FAM184B: variants seen among roughly 807,000 people sequenced by gnomAD.
The protein encoded by FAM184B is family with sequence similarity 184 member B, also known as protein FAM184B.
FAM184B carries 111 observed loss-of-function variants against 135.9 expected under a neutral mutation model. The observed-to-expected ratio is 0.82, with a 90% CI of 0.70 to 0.96. The LOEUF is 0.96. FAM184B is among the 40% of genes least tolerant of loss of function. The probability of loss-of-function intolerance (pLI) is 0.00; values close to 1 mark genes in which losing one functional copy is unlikely to be tolerated. For synonymous variants in FAM184B, 552 were observed against 524.8 expected (o/e 1.05, Z -0.71); for missense variants, 1,375 against 1,323.9 (o/e 1.04, Z -0.60).
intron 1 of FAM184B, among the ~76,000 whole-genome samples, chr4:17,761,863 C>G (rs987073733): frequency 6.6e-6 from 1 of 152,120 alleles, no homozygotes; most frequent in Non-Finnish European, 1.5e-5. Context: ...CACCTTACCT[C>G]TCTGTACTAT....
chr4:17,633,956 G>T (rs1474169253), intron 16 of FAM184B, 68 bp from the exon 17 acceptor site: 2 of 1,210,044 alleles, frequency 1.7e-6, no homozygotes, highest in Non-Finnish European at 2.2e-6. Flanking sequence ...TATTGTAAAA[G>T]CAAATAATGC....
At chr4:17,727,310 C>T (rs889629032) in intron 1 of FAM184B, among the ~76,000 whole-genome samples, 3 of 152,122 alleles carry the variant, frequency 2.0e-5, no homozygotes, top group Non-Finnish European at 2.9e-5. Context: ...AGAGGAGGCA[C>T]CAGGACAGCT....
chr4:17,688,307 T>G, intron 7 of FAM184B, 117 bp downstream of exon 7: 4 of 686,076 alleles, frequency 5.8e-6, no homozygotes. Context: ...ATTTTGGCAG[T>G]GTCGAGGAGA....
chr4:17,770,868 A>G (rs1577297560), intron 1 of FAM184B, among the ~76,000 whole-genome samples: 1 of 152,216 alleles, frequency 6.6e-6, no homozygotes, highest in South Asian at 2.1e-4. Flanking sequence ...ATCCACCCAA[A>G]AAGTGTACAA....
intron 1 of FAM184B, among the ~76,000 whole-genome samples, chr4:17,753,362 T>G (rs1718343714): frequency 6.6e-6 from 1 of 152,222 alleles, no homozygotes; most frequent in Admixed American, 6.5e-5. Context: ...AGACCAAATT[T>G]TATTAAAACA....
chr4:17,712,241 C>A (rs1434245075), intron 1 of FAM184B, among the ~76,000 whole-genome samples: 4 of 152,078 alleles, frequency 2.6e-5, no homozygotes, highest in Admixed American at 2.0e-4. Flanking sequence ...GATGACAAGG[C>A]CAAGTGGCAA....
chr4:17,697,054 G>T (rs963764594), intron 5 of FAM184B, among the ~76,000 whole-genome samples: 11 of 152,118 alleles, frequency 7.2e-5, no homozygotes, highest in African/African-American at 2.7e-4. Flanking sequence ...CCACTGCAAT[G>T]AAGATTAGAT....
At chr4:17,650,764 A>C (rs1205398299) in intron 11 of FAM184B, among the ~76,000 whole-genome samples, 1 of 152,134 alleles carries the variant, frequency 6.6e-6, no homozygotes, top group Admixed American at 6.5e-5. Context: ...CCTGCTCCTC[A>C]CACCACTTCC....
chr4:17,720,010 A>T (rs906382640), intron 1 of FAM184B, among the ~76,000 whole-genome samples: 20 of 152,226 alleles, frequency 1.3e-4, no homozygotes, highest in African/African-American at 3.6e-4. Context: ...ACTCCTTCTC[A>T]TCTCTTTGGC....
intron 12 of FAM184B, among the ~76,000 whole-genome samples, chr4:17,642,988 G>A (rs544156279): frequency 6.6e-6 from 1 of 152,346 alleles, no homozygotes; most frequent in African/African-American, 2.4e-5. Flanking sequence ...CTGTGCACGG[G>A]GAGAATCTGT....
At position 17,765,078 on chromosome 4, in the gene FAM184B, A is replaced by G. The variant is rs149240373; in HGVS notation, c.141+16081T>C. On this transcript the variant is annotated intron_variant, in intron 1 of 17. Transcript: ENST00000265018. ...CCCTGTCTCAAAAAAAGAAAAAAAG[A>G]AAGTAATTCTGCCATTGTCCTTGAA... is the stretch of plus-strand genomic sequence containing the variant. Among the ~76,000 whole-genome samples, 459 of 152,284 alleles carry G rather than the reference A, an allele frequency of 3.0e-3. 2 individuals carry two copies. Among genetic ancestry groups the G allele is most frequent in the African/African-American group, 0.01 (433 of 41,554 alleles).
intron 6 of FAM184B, among the ~76,000 whole-genome samples, chr4:17,691,292 G>C (rs947747288): frequency 1.3e-5 from 2 of 152,180 alleles, no homozygotes; most frequent in Non-Finnish European, 2.9e-5. Flanking sequence ...CACCTACATG[G>C]TAAAGTTGTT....
chr4:17,713,755 CATTT>C (rs1434596690), intron 1 of FAM184B, among the ~76,000 whole-genome samples: 1 of 152,170 alleles, frequency 6.6e-6, no homozygotes, highest in Non-Finnish European at 1.5e-5. Flanking sequence ...CTCACTCAGT[CATTT>C]ATTCATTCGC....
intron 5 of FAM184B, among the ~76,000 whole-genome samples, chr4:17,703,525 A>G (rs1193758544): frequency 6.6e-6 from 1 of 152,062 alleles, no homozygotes; most frequent in African/African-American, 2.4e-5. Flanking sequence ...GAAATTAACA[A>G]TACCTACCAT....
chr4:17,736,440 T>TA (rs1233232707), intron 1 of FAM184B, among the ~76,000 whole-genome samples: 1 of 152,152 alleles, frequency 6.6e-6, no homozygotes, highest in Non-Finnish European at 1.5e-5. Context: ...AAGCTGTGTT[T>TA]AAAAAAACTC....
At chr4:17,749,118 C>A (rs1718240427) in intron 1 of FAM184B, among the ~76,000 whole-genome samples, 1 of 151,614 alleles carries the variant, frequency 6.6e-6, no homozygotes, top group African/African-American at 2.4e-5. Context: ...ACAGGCAGAG[C>A]CACTATGCTC....
intron 1 of FAM184B, among the ~76,000 whole-genome samples, chr4:17,752,336 C>G (rs187513739): frequency 2.8e-4 from 42 of 151,436 alleles, no homozygotes; most frequent in Admixed American, 8.6e-4. Context: ...ATGGGTAGGA[C>G]GGGAGATAGG....
intron 16 of FAM184B, 42 bp downstream of exon 16, chr4:17,634,967 A>G (rs1442556711): frequency 2.1e-6 from 3 of 1,405,574 alleles, no homozygotes; most frequent in Non-Finnish European, 2.9e-6. Context: ...AACGAAACCA[A>G]TGGAATTGTA....
intron 10 of FAM184B, among the ~76,000 whole-genome samples, chr4:17,655,141 T>C (rs1715752530): frequency 6.6e-6 from 1 of 152,222 alleles, no homozygotes; most frequent in African/African-American, 2.4e-5. Flanking sequence ...CCACCATGCC[T>C]GATTGCGAGT....
Sources: gnomAD v4.1 joint callset for allele counts (sites outside exome capture counted in the v4.1 genomes callset) on GRCh38, gnomAD v4.1.1 for gene constraint, MANE v1.5 for transcripts, NCBI Gene and HGNC (gene_info 2026-07-23, HGNC 2026-07-21) for gene names.